Variants in MYO1E observed in about 807,000 individuals in gnomAD.
MYO1E encodes unconventional myosin-Ie.
A neutral mutation model predicts 151.1 loss-of-function variants in MYO1E; 68 were observed. The observed-to-expected ratio is 0.45, with a 90% CI of 0.37 to 0.55. The LOEUF is 0.55. Among genes scored for constraint, MYO1E ranks in the 20% least tolerant of loss-of-function variants. MYO1E has a pLI of 0.00. For missense variants in MYO1E, 1,363 were observed against 1,389.3 expected (o/e 0.98, Z 0.30); for synonymous variants, 601 against 501.7 (o/e 1.20, Z -2.64).
chr15:59,148,292 A>G (rs1392589747), intron 26 of MYO1E, among the ~76,000 whole-genome samples: 2 of 152,074 alleles, frequency 1.3e-5, no homozygotes, highest in East Asian at 1.9e-4. Context: ...GACTCACCCT[A>G]CTCTTACAGA....
At position 59,227,493 on chromosome 15, in the gene MYO1E, T is replaced by C; in HGVS notation, c.608A>G (p.Asn203Ser). The C allele has an allele frequency of 6.2e-7, 1 of 1,614,058 alleles. No homozygotes were observed. ...TATGTGAAAACTCCGCTCTCCTGGG[T>C]TCCTCATCACCACCCTAGATTTTTC... ...LLEKSRVVMR[N>S]PGERSFHIFY... Residue 203 changes from asparagine (N) to serine (S), a missense_variant, in exon 7 of 28, where the codon AAC becomes AGC. By Grantham distance (46) the Asn-to-Ser change is conservative. Coordinates refer to ENST00000288235, the MANE Select transcript of MYO1E (RefSeq NM_004998.4).
intron 1 of MYO1E, among the ~76,000 whole-genome samples, chr15:59,287,769 G>A (rs763792497): frequency 6.6e-6 from 1 of 152,112 alleles, no homozygotes; most frequent in Non-Finnish European, 1.5e-5. Flanking sequence ...TGAATGTGGG[G>A]GATTGTGTGA....
intron 17 of MYO1E, among the ~76,000 whole-genome samples, chr15:59,190,058 C>T (rs750308393): frequency 6.6e-6 from 1 of 152,168 alleles, no homozygotes; most frequent in Non-Finnish European, 1.5e-5. Context: ...TGAAAACCCA[C>T]CACTTGCTGG....
intron 1 of MYO1E, among the ~76,000 whole-genome samples, chr15:59,325,758 A>G (rs7179761): frequency 0.018 from 2,798 of 152,308 alleles, 82 homozygotes; most frequent in African/African-American, 0.062. Flanking sequence ...CTTGGTGAGC[A>G]CAGGAGCAGG....
chr15:59,259,481 G>T (rs751131700), intron 3 of MYO1E, among the ~76,000 whole-genome samples: 4 of 152,110 alleles, frequency 2.6e-5, no homozygotes, highest in Non-Finnish European at 4.4e-5. Flanking sequence ...TCTCACTTAG[G>T]TGAGAGTGTC....
intron 8 of MYO1E, 108 bp from the exon 9 acceptor site, chr15:59,223,299 A>C: frequency 7.8e-7 from 1 of 1,275,692 alleles, no homozygotes; most frequent in Non-Finnish European, 1.1e-6. Flanking sequence ...TGTGACAAGT[A>C]CAGACGAGTT....
chr15:59,308,824 G>A (rs1479115862), intron 1 of MYO1E, among the ~76,000 whole-genome samples: 2 of 131,108 alleles, frequency 1.5e-5, no homozygotes, highest in Non-Finnish European at 3.2e-5. Flanking sequence ...GGTGACAAGA[G>A]CAAAACTCCA....
Position 59,224,749 on chromosome 15 carries a change from G to A in MYO1E, c.717C>T (p.Ser239=). The change falls in exon 8 of 28, where the codon AGC becomes AGT. Residue 239 remains serine (S), a synonymous_variant. Transcript: ENST00000288235. ...CATCAACCTTGTATGAGCCCGAGAG[G>A]CTCAGGTAGTAATAATAGTCCATGC... ...ITSMDYYYYL[S]LSGSYKVDDI... 1 of 1,614,194 alleles carries A rather than the reference G, an allele frequency of 6.2e-7. No homozygotes were observed. Among genetic ancestry groups the A allele is most frequent in the African/African-American group, 1.3e-5 (1 of 75,036 alleles).
At chr15:59,155,139 G>T (rs1358100349) in intron 25 of MYO1E, among the ~76,000 whole-genome samples, 1 of 152,104 alleles carries the variant, frequency 6.6e-6, no homozygotes, top group Non-Finnish European at 1.5e-5. Flanking sequence ...ACATGCCCTC[G>T]GGATGTCACA....
At position 59,161,221 on chromosome 15, in the gene MYO1E, C is replaced by T; in HGVS notation, c.2637G>A (p.Leu879=). 1 of 1,613,792 alleles carries T rather than the reference C, an allele frequency of 6.2e-7. No homozygotes were observed. The highest frequency in any genetic ancestry group is 1.1e-5 in the South Asian group (1 of 91,068). The change falls in exon 24 of 28, where the codon CTG becomes CTA. Residue 879 remains leucine, a synonymous_variant. Coordinates refer to ENST00000288235, the MANE Select transcript of MYO1E (RefSeq NM_004998.4). ...GGCCCCAGTTTTCCTTTTTCAACTT[C>T]AGTTCAAGCCTGCAAAAAGCACAGT... The part of the protein sequence containing the change: ...LPLKFSNTLE[L]KLKKENWGPW...
intron 1 of MYO1E, among the ~76,000 whole-genome samples, chr15:59,333,506 C>T (rs1223605848): frequency 2.6e-5 from 4 of 152,170 alleles, no homozygotes; most frequent in African/African-American, 4.8e-5. Context: ...GCCTCCCAAA[C>T]TGCTAGGCTA....
At chr15:59,324,949 G>GA (rs11306933) in intron 1 of MYO1E, among the ~76,000 whole-genome samples, 27,167 of 133,776 alleles carry the variant, frequency 0.2, 3,308 homozygotes, top group African/African-American at 0.38. Context: ...AGGCTTTTTA[G>GA]AAAAAAAAAA....
intron 1 of MYO1E, among the ~76,000 whole-genome samples, chr15:59,344,435 C>T (rs552485111): frequency 3.9e-5 from 6 of 152,190 alleles, no homozygotes; most frequent in Non-Finnish European, 8.8e-5. Flanking sequence ...ACCCCTATGG[C>T]CACCACCACT....
At chr15:59,277,619 A>C (rs1367349293) in intron 1 of MYO1E, among the ~76,000 whole-genome samples, 2 of 151,900 alleles carry the variant, frequency 1.3e-5, no homozygotes, top group African/African-American at 2.4e-5. Context: ...ATTTTTTAGG[A>C]AACTACCTCA....
intron 1 of MYO1E, among the ~76,000 whole-genome samples, chr15:59,351,080 T>C (rs1429512710): frequency 6.6e-6 from 1 of 152,184 alleles, no homozygotes; most frequent in Non-Finnish European, 1.5e-5. Context: ...TGTGTATTTT[T>C]AGTAGACACA....
intron 26 of MYO1E, among the ~76,000 whole-genome samples, chr15:59,152,297 G>A (rs1375357566): frequency 6.6e-6 from 1 of 152,208 alleles, no homozygotes; most frequent in Non-Finnish European, 1.5e-5. Flanking sequence ...AGGAGCTGTT[G>A]TTTCTCTTCC....
At position 59,179,400 on chromosome 15, in the gene MYO1E, G is replaced by C. The variant is rs114365625; in HGVS notation, c.1905-863C>G. Among the ~76,000 whole-genome samples, 1,008 of 152,292 alleles carry C rather than the reference G, an allele frequency of 6.6e-3. 12 individuals carry two copies. The highest frequency in any genetic ancestry group is 0.023 in the African/African-American group (962 of 41,558). On this transcript the variant is annotated intron_variant, in intron 18 of 27. Coordinates refer to ENST00000288235, the MANE Select transcript of MYO1E (RefSeq NM_004998.4). ...TCCCAGATGAAGGTGAGAGCTCCAG[G>C]AGACCGGATGCCACATCTGTGTGGC...
intron 16 of MYO1E, 67 bp from the exon 17 acceptor site, chr15:59,195,634 C>T: frequency 7.5e-7 from 1 of 1,340,290 alleles, no homozygotes; most frequent in Non-Finnish European, 1.1e-6. Flanking sequence ...TCAAAGGAGA[C>T]TTGTAAAACT....
Position 59,133,578 on chromosome 15 carries a change from G to C in MYO1E, c.*3802C>G, listed in dbSNP as rs910997350. On this transcript the variant is annotated 3_prime_UTR_variant, in exon 28 of 28. Coordinates refer to ENST00000288235, the MANE Select transcript of MYO1E (RefSeq NM_004998.4). ...AAAACCAAGTTACTAAATCCAGAAA[G>C]AACTGCAATCAATCAGCTAGGCCTT... 1 of 152,164 alleles carries C rather than the reference G, an allele frequency of 6.6e-6. No homozygotes were observed. Among genetic ancestry groups the C allele is most frequent in the Non-Finnish European group, 1.5e-5 (1 of 68,072 alleles). 9.4% of individuals were successfully genotyped at this position (152,164 alleles called of 1,614,324 possible).
Sources: gnomAD v4.1 joint callset for allele counts (sites outside exome capture counted in the v4.1 genomes callset) on GRCh38, gnomAD v4.1.1 for gene constraint, MANE v1.5 for transcripts, NCBI Gene and HGNC (gene_info 2026-07-23, HGNC 2026-07-21) for gene names.